Variants in NEK1 observed in about 807,000 individuals in gnomAD.
NEK1 encodes the protein serine/threonine-protein kinase Nek1.
A neutral mutation model predicts 182.1 loss-of-function variants in NEK1; 137 were observed. The observed-to-expected ratio is 0.75, with a 90% CI of 0.65 to 0.87. The LOEUF is 0.87. Among genes scored for constraint, NEK1 ranks in the 40% least tolerant of loss-of-function variants. NEK1 has a pLI of 0.00. For synonymous variants in NEK1, 513 were observed against 492.2 expected, an observed-to-expected ratio of 1.04 and a Z score of -0.56; for missense variants, 1,391 against 1,494.4, an observed-to-expected ratio of 0.93 and a Z score of 1.14.
chr4:169,513,734 C>T (rs182991123), intron 19 of NEK1, among the ~76,000 whole-genome samples: 1 of 152,190 alleles, frequency 6.6e-6, no homozygotes, highest in African/African-American at 2.4e-5. Context: ...GAACATTCCC[C>T]TGTATTTCTA....
chr4:169,492,162 T>C (rs776867746), intron 23 of NEK1, among the ~76,000 whole-genome samples: 21 of 152,168 alleles, frequency 1.4e-4, no homozygotes, highest in Admixed American at 2.6e-4. Context: ...CAATCTTCAA[T>C]GTAATTAAGC....
intron 27 of NEK1, among the ~76,000 whole-genome samples, chr4:169,440,558 G>C (rs1271542288): frequency 1.3e-5 from 2 of 152,170 alleles, no homozygotes; most frequent in Non-Finnish European, 2.9e-5. Context: ...ATAACACATT[G>C]AATAGAGCAT....
chr4:169,502,739 T>TA (rs1375784862), intron 23 of NEK1, among the ~76,000 whole-genome samples: 5 of 152,042 alleles, frequency 3.3e-5, no homozygotes, highest in African/African-American at 1.2e-4. Context: ...CTCAAAATAT[T>TA]AAGAACCACC....
chr4:169,536,626 G>T (rs762227918), intron 19 of NEK1, among the ~76,000 whole-genome samples: 7 of 151,858 alleles, frequency 4.6e-5, no homozygotes, highest in Non-Finnish European at 7.4e-5. Flanking sequence ...ATCTTGGAAA[G>T]TTCCTCTAAA....
chr4:169,491,497 A>C (rs1302926292), intron 23 of NEK1, among the ~76,000 whole-genome samples: 1 of 152,184 alleles, frequency 6.6e-6, no homozygotes, highest in African/African-American at 2.4e-5. Flanking sequence ...CCAGCCAACA[A>C]TACTATACTT....
At chr4:169,410,330 T>TC (rs1455675752) in intron 31 of NEK1, among the ~76,000 whole-genome samples, 2 of 152,214 alleles carry the variant, frequency 1.3e-5, no homozygotes, top group African/African-American at 4.8e-5. Context: ...TAGTTCTATT[T>TC]TTTTTCAAAG....
At chr4:169,402,396 T>C (rs1048726320) in intron 32 of NEK1, among the ~76,000 whole-genome samples, 1 of 152,220 alleles carries the variant, frequency 6.6e-6, no homozygotes, top group Admixed American at 6.5e-5. Flanking sequence ...TTCATGTTAA[T>C]AGGATGACCC....
Position 169,394,087 on chromosome 4 carries a change from A to T in NEK1, c.*423T>A, listed in dbSNP as rs1368022974. ...TGGCCAGAATGAAAACAAGTACTAGACAGAAAAAAGATCATGCTTAAAGAC... is the reference window on the plus strand; with the variant it reads ...TGGCCAGAATGAAAACAAGTACTAGTCAGAAAAAAGATCATGCTTAAAGAC... On this transcript the variant is annotated 3_prime_UTR_variant, in exon 36 of 36. Transcript: ENST00000507142. The T allele has an allele frequency of 6.3e-6, 1 of 158,028 alleles. No homozygotes were observed. Among genetic ancestry groups the T allele is most frequent in the Admixed American group, 6.5e-5 (1 of 15,352 alleles). The allele number at this position is 158,028 out of a possible 1,614,324, so 9.8% of individuals were successfully genotyped here.
intron 28 of NEK1, among the ~76,000 whole-genome samples, chr4:169,434,579 A>G (rs1194327569): frequency 6.6e-6 from 1 of 152,178 alleles, no homozygotes; most frequent in Admixed American, 6.5e-5. Flanking sequence ...CACCTGGCTA[A>G]TATTTTCCAA....
chr4:169,477,375 T>C, intron 25 of NEK1, 23 bp from the exon 26 acceptor site: 1 of 1,551,778 alleles, frequency 6.4e-7, no homozygotes, highest in Non-Finnish European at 8.7e-7. Context: ...ACATTATATA[T>C]TTTAATATGT....
At chr4:169,466,526 GA>G (rs1744959660) in intron 26 of NEK1, among the ~76,000 whole-genome samples, 1 of 151,578 alleles carries the variant, frequency 6.6e-6, no homozygotes, top group Non-Finnish European at 1.5e-5. Flanking sequence ...AGTACTAAAA[GA>G]AAAAAATTTC....
At chr4:169,410,695 AAT>A (rs1442664480) in intron 31 of NEK1, among the ~76,000 whole-genome samples, 1 of 152,246 alleles carries the variant, frequency 6.6e-6, no homozygotes, top group Non-Finnish European at 1.5e-5. Flanking sequence ...CTAATAATGG[AAT>A]ACTTTAACAA....
chr4:169,471,102 C>T (rs1230225335), intron 26 of NEK1, among the ~76,000 whole-genome samples: 2 of 152,170 alleles, frequency 1.3e-5, no homozygotes, highest in African/African-American at 2.4e-5. Flanking sequence ...TTATTACCCA[C>T]CTTCTGAAGC....
intron 28 of NEK1, among the ~76,000 whole-genome samples, chr4:169,433,927 C>T (rs200305809): frequency 1.3e-5 from 2 of 151,936 alleles, no homozygotes; most frequent in East Asian, 3.8e-4. Context: ...ATATTTTTCA[C>T]CATTATGTAA....
intron 19 of NEK1, 143 bp downstream of exon 19, chr4:169,537,666 A>C: frequency 1.5e-6 from 1 of 673,324 alleles, no homozygotes; most frequent in Non-Finnish European, 2.6e-6. Flanking sequence ...TATACTCTGC[A>C]AATGACTTCT....
intron 27 of NEK1, among the ~76,000 whole-genome samples, chr4:169,462,414 G>C (rs144766227): frequency 2.0e-5 from 3 of 152,110 alleles, no homozygotes; most frequent in South Asian, 4.2e-4. Context: ...AATTCAAATT[G>C]TTTTCTCCCT....
chr4:169,512,642 T>A (rs770976817), intron 19 of NEK1, among the ~76,000 whole-genome samples: 1 of 152,094 alleles, frequency 6.6e-6, no homozygotes, highest in South Asian at 2.1e-4. Context: ...TTTTCCTTTT[T>A]TGGATTATAC....
chr4:169,510,350 A>G (rs974485864), intron 19 of NEK1, among the ~76,000 whole-genome samples: 2 of 152,170 alleles, frequency 1.3e-5, no homozygotes, highest in Non-Finnish European at 1.5e-5. Context: ...TCTTTTTACT[A>G]TATAATCTTA....
chr4:169,447,817 C>T lies in NEK1; in HGVS notation c.2588-9558G>A, dbSNP rs377505004. ...CCGGGAGGTGGAGGCTGCAGTGAGC[C>T]GAGATCGTGCCACTGCACTCCAGCC... is the stretch of plus-strand genomic sequence containing the variant. On this transcript the variant is annotated intron_variant, in intron 27 of 35. Coordinates refer to ENST00000507142, the MANE Select transcript of NEK1 (RefSeq NM_001199397.3). Among the ~76,000 whole-genome samples the T allele has an allele frequency of 1.5e-3, 228 of 152,008 alleles. 3 individuals carry two copies. The highest frequency in any genetic ancestry group is 8.3e-3 in the South Asian group (40 of 4,816).
Sources: allele counts gnomAD v4.1 joint callset (sites outside exome capture counted in the v4.1 genomes callset), GRCh38; gene constraint gnomAD v4.1.1; transcripts MANE v1.5; gene names NCBI Gene and HGNC (gene_info 2026-07-23, HGNC 2026-07-21).